PCDHA8: variants seen among roughly 807,000 people sequenced by gnomAD.
PCDHA8 encodes the protein protocadherin alpha 8, also known as protocadherin alpha-8.
A neutral mutation model predicts 61.8 loss-of-function variants in PCDHA8; 53 were observed. The ratio of observed to expected loss-of-function variants is 0.86; its 90% CI spans 0.69 to 1.08. The LOEUF (loss-of-function observed/expected upper bound fraction) is 1.08, where lower values mean the gene tolerates loss of function less well. Ranked by LOEUF, PCDHA8 falls within the 50% of genes least tolerant of loss-of-function variation. The pLI is 0.00. For synonymous variants in PCDHA8, 618 were observed against 556.6 expected, an observed-to-expected ratio of 1.11 and a Z score of -1.55; for missense variants, 1,293 against 1,245.0, an observed-to-expected ratio of 1.04 and a Z score of -0.58.
At chr5:140,995,025 C>A (rs1304675289) in intron 3 of PCDHA8, among the ~76,000 whole-genome samples, 1 of 152,146 alleles carries the variant, frequency 6.6e-6, no homozygotes, top group Non-Finnish European at 1.5e-5. Context: ...AAAGAAGATT[C>A]TTTTAAGTTT....
intron 1 of PCDHA8, chr5:140,929,206 C>T (rs1554206828): frequency 2.5e-6 from 4 of 1,614,018 alleles, no homozygotes; most frequent in Non-Finnish European, 1.7e-6. Flanking sequence ...TTTGCTGTTG[C>T]GTGGGGAGTA....
chr5:140,887,047 C>G (rs530605993), intron 1 of PCDHA8, among the ~76,000 whole-genome samples: 1 of 151,882 alleles, frequency 6.6e-6, no homozygotes, highest in African/African-American at 2.4e-5. Flanking sequence ...TTTTATAGTG[C>G]ATATGTTCTG....
intron 1 of PCDHA8, chr5:140,856,273 G>A (rs1554148468): frequency 6.3e-7 from 1 of 1,598,340 alleles, no homozygotes; most frequent in Admixed American, 1.7e-5. Context: ...ACCTTCTGGA[G>A]GTAAATCTGC....
chr5:140,934,926 G>A lies in PCDHA8; in HGVS notation c.2395-44023G>A, dbSNP rs1054459840. Among the ~76,000 whole-genome samples, 3 of 152,116 alleles carry A rather than the reference G, an allele frequency of 2.0e-5. No homozygotes were observed. In the East Asian group the frequency reaches 5.8e-4, roughly 29 times the overall value. On this transcript the variant is annotated intron_variant, in intron 1 of 3. Transcript: ENST00000531613. ...TGGAATAATTATGGATTCACATAAA[G>A]TTACAAAACTAGTATAGAGAGATCC...
At chr5:140,920,239 A>G (rs1584173491) in intron 1 of PCDHA8, among the ~76,000 whole-genome samples, 1 of 152,356 alleles carries the variant, frequency 6.6e-6, no homozygotes, top group Middle Eastern at 3.4e-3. Context: ...TATATACCCA[A>G]CAATACATCG....
chr5:140,876,155 T>C lies in PCDHA8; in HGVS notation c.2394+32440T>C, dbSNP rs1554168308. Reference sequence around the variant, plus strand: ...CCAGAACTAACAGGGTCTGTCCAGATTCAAATAACCGTCCTGGATGTGAAT... The same window carrying C: ...CCAGAACTAACAGGGTCTGTCCAGACTCAAATAACCGTCCTGGATGTGAAT... On this transcript the variant is annotated intron_variant, in intron 1 of 3. Coordinates refer to ENST00000531613, the MANE Select transcript of PCDHA8 (RefSeq NM_018911.3). 3 of 1,613,994 alleles carry C rather than the reference T, an allele frequency of 1.9e-6. No homozygotes were observed. Among genetic ancestry groups the C allele is most frequent in the Admixed American group, 3.3e-5 (2 of 60,026 alleles).
chr5:140,878,583 T>C (rs1355382396), intron 1 of PCDHA8, among the ~76,000 whole-genome samples: 1 of 152,236 alleles, frequency 6.6e-6, no homozygotes, highest in African/African-American at 2.4e-5. Context: ...CACTGCCCTG[T>C]GCCTATTACC....
intron 1 of PCDHA8, among the ~76,000 whole-genome samples, chr5:140,924,892 C>A: frequency 1.2e-5 from 1 of 82,680 alleles, no homozygotes; most frequent in Admixed American, 1.2e-4. Context: ...AAGAACCTGT[C>A]TCAAAAAAAA....
chr5:140,912,318 C>T (rs1554195270), intron 1 of PCDHA8, among the ~76,000 whole-genome samples: 2 of 151,536 alleles, frequency 1.3e-5, no homozygotes, highest in East Asian at 1.9e-4. Context: ...CAAGTTGACC[C>T]TCAGTATTAA....
rs2150443842 is a variant in PCDHA8 at position 140,849,644 on chromosome 5, G to A, written c.2394+5929G>A. 141 of 1,598,706 alleles carry A rather than the reference G, an allele frequency of 8.8e-5. 10 individuals are homozygous for A. In the East Asian group the frequency reaches 1.0e-3, roughly 12 times the overall value. ...TCGACCTAGACGCAGATGCCAACGG[G>A]CAGGTTACCTGCTCCCTGACGCCCC... On this transcript the variant is annotated intron_variant, in intron 1 of 3. Coordinates refer to ENST00000531613, the MANE Select transcript of PCDHA8 (RefSeq NM_018911.3).
chr5:140,841,189 TTTCTC>T lies in PCDHA8; in HGVS notation c.-131_-127del. On this transcript the variant is annotated 5_prime_UTR_variant, in exon 1 of 4. Coordinates refer to ENST00000531613, the MANE Select transcript of PCDHA8 (RefSeq NM_018911.3). ...TCTGGTTGGTCAATGTTCAAAGTCTTTTCTCTGACAGCATCTGTCTCTAAAGGCCG... is the reference window on the plus strand; with the variant it reads ...TCTGGTTGGTCAATGTTCAAAGTCTTTGACAGCATCTGTCTCTAAAGGCCG... 1 of 1,233,560 alleles carries T rather than the reference TTTCTC, an allele frequency of 8.1e-7. No individual in the cohort carries two copies. Among genetic ancestry groups the T allele is most frequent in the East Asian group, 2.5e-5 (1 of 40,618 alleles). The allele number at this position is 1,233,560 out of a possible 1,614,324, so 76.4% of individuals were successfully genotyped here. A position where few individuals can be genotyped will look rare whatever the true frequency, so the allele number is the denominator to read the frequency against.
chr5:140,882,286 A>G lies in PCDHA8; in HGVS notation c.2394+38571A>G, dbSNP rs13357748. The G allele has an allele frequency of 8.5e-4, 1,378 of 1,613,102 alleles. 12 individuals are homozygous for G. In the African/African-American group the frequency reaches 0.015, roughly 17 times the overall value. Reference sequence around the variant, plus strand: ...AGTGTACCATGCTGTCTTCCTGGCAAGGAGGCCCAAGACCGCGGCAACTAC... The same window carrying G: ...AGTGTACCATGCTGTCTTCCTGGCAGGGAGGCCCAAGACCGCGGCAACTAC... On this transcript the variant is annotated intron_variant, in intron 1 of 3. Transcript: ENST00000531613.
chr5:140,939,175 C>A (rs2092330886), intron 1 of PCDHA8, among the ~76,000 whole-genome samples: 1 of 152,010 alleles, frequency 6.6e-6, no homozygotes, highest in African/African-American at 2.4e-5. Context: ...TGGTAATGGC[C>A]CACTCCCTGG....
Position 140,868,975 on chromosome 5 carries a change from A to G in PCDHA8, c.2394+25260A>G, listed in dbSNP as rs1379610882. 4.1e-6 allele frequency: 6 copies of G among 1,479,060 alleles called. No individual in the cohort carries two copies. The South Asian group carries it at 7.0e-5, about 17-fold the overall frequency. The allele number at this position is 1,479,060 out of a possible 1,614,324, so 91.6% of individuals were successfully genotyped here. A position where few individuals can be genotyped will look rare whatever the true frequency, so the allele number is the denominator to read the frequency against. The stretch of plus-strand genomic sequence containing the variant: ...CACTCCCATACAAAGGAACTCCATC[A>G]TACCGGATGCCACCGTTTAAGGATC... On this transcript the variant is annotated intron_variant, in intron 1 of 3. Transcript: ENST00000531613.
chr5:140,856,960 T>C, intron 1 of PCDHA8: 2 of 1,593,258 alleles, frequency 1.3e-6, no homozygotes, highest in Non-Finnish European at 8.6e-7. Flanking sequence ...TAAAAGTAAA[T>C]GATGCTATTG....
At chr5:140,882,768 C>T (rs1554175511) in intron 1 of PCDHA8, 1 of 1,614,222 alleles carries the variant, frequency 6.2e-7, no homozygotes, top group East Asian at 2.2e-5. Context: ...GTAAACTCGG[C>T]ATTGACCTAC....
At chr5:140,882,658 G>T in intron 1 of PCDHA8, 4 of 1,614,148 alleles carry the variant, frequency 2.5e-6, no homozygotes, top group South Asian at 1.1e-5. Flanking sequence ...ACGACAACCC[G>T]CCCATATTCC....
At chr5:140,882,096 T>A in intron 1 of PCDHA8, 1 of 1,224,746 alleles carries the variant, frequency 8.2e-7, no homozygotes, top group Non-Finnish European at 1.1e-6. Flanking sequence ...ACTGAGAACG[T>A]TTCCGCGAAG....
Position 140,843,481 on chromosome 5 carries a change from G to A in PCDHA8, c.2160G>A (p.Ala720=), listed in dbSNP as rs1554140132. ...TGCTCACGCTGCTGCTGTACACTGCGCTGCGGTGCTCAGCACTGCCCACTG... is the reference window on the plus strand; with the variant it reads ...TGCTCACGCTGCTGCTGTACACTGCACTGCGGTGCTCAGCACTGCCCACTG... The part of the protein sequence containing the change: ...LLVLTLLLYT[A]LRCSALPTEG... Residue 720 remains alanine, a synonymous_variant, in exon 1 of 4, where the codon GCG becomes GCA. Transcript: ENST00000531613. 3.1e-6 allele frequency: 5 copies of A among 1,595,902 alleles called. 1 individual carries two copies. The Admixed American group carries it at 8.4e-5, about 27-fold the overall frequency.
Sources: allele counts gnomAD v4.1 joint callset (sites outside exome capture counted in the v4.1 genomes callset), GRCh38; gene constraint gnomAD v4.1.1; transcripts MANE v1.5; gene names NCBI Gene and HGNC (gene_info 2026-07-23, HGNC 2026-07-21).